CCDC157: variants seen among roughly 807,000 people sequenced by gnomAD.
The protein encoded by CCDC157 is coiled-coil domain-containing protein 157.
CCDC157 carries 60 observed loss-of-function variants against 70.9 expected under a neutral mutation model. The ratio of observed to expected loss-of-function variants is 0.85; its 90% CI spans 0.69 to 1.05. The LOEUF (loss-of-function observed/expected upper bound fraction) is 1.05. Ranked by LOEUF, CCDC157 falls within the 50% of genes least tolerant of loss-of-function variation. The pLI, the probability that CCDC157 is intolerant of heterozygous loss-of-function variation, is 0.00. For missense variants in CCDC157, 943 were observed against 984.2 expected, an observed-to-expected ratio of 0.96 and a Z score of 0.56; for synonymous variants, 373 against 422.4, an observed-to-expected ratio of 0.88 and a Z score of 1.43.
intron 1 of CCDC157, among the ~76,000 whole-genome samples, chr22:30,361,320 G>T (rs1463960820): frequency 6.6e-5 from 10 of 151,966 alleles, no homozygotes; most frequent in Admixed American, 5.2e-4. Flanking sequence ...ATTTAGTAAG[G>T]CCTGTTTGCT....
chr22:30,356,987 G>A, upstream of CCDC157: 1 of 456,972 alleles, frequency 2.2e-6, no homozygotes, highest in Non-Finnish European at 3.6e-6. Context: ...CTCCCCGCGG[G>A]CACCGCGGCG....
chr22:30,364,797 A>G (rs1569183817), intron 2 of CCDC157, among the ~76,000 whole-genome samples: 1 of 151,250 alleles, frequency 6.6e-6, no homozygotes, highest in African/African-American at 2.4e-5. Context: ...CCTGAGCAAC[A>G]GAGCTAGACA....
In CCDC157 at chr22:30,361,960, G is replaced by C. The variant is rs1001222109; in HGVS notation, c.-165-1G>C. The C allele has an allele frequency of 1.3e-5, 2 of 152,356 alleles. No individual in the cohort carries two copies. The highest frequency in any genetic ancestry group is 2.9e-5 in the Non-Finnish European group (2 of 68,182). 9.4% of individuals were successfully genotyped at this position (152,356 alleles called of 1,614,324 possible). ...TCACTGTCACTGTCATCCCCTCCCA[G>C]GGTCTGAAGAGCTACTCAGAGCCAA... On this transcript the variant is annotated splice_acceptor_variant, in intron 1 of 11. Transcript: ENST00000338306. LOFTEE classifies it low-confidence loss of function (5UTR_SPLICE).
chr22:30,369,511 G>T lies in CCDC157; in HGVS notation c.328G>T (p.Ala110Ser), dbSNP rs1459575510. ...SEQMMPPAQAAGPCMSVGLTV... is the reference protein window; with the variant it reads ...SEQMMPPAQASGPCMSVGLTV... ...GCAGATGATGCCCCCTGCACAGGCT[G>T]CGGGGCCCTGCATGTCCGTGGGGCT... Residue 110 changes from alanine to serine, a missense_variant, in exon 4 of 12, where the codon GCG (alanine) becomes TCG (serine). Coordinates refer to ENST00000338306, the MANE Select transcript of CCDC157 (RefSeq NM_001017437.5). 6.2e-7 allele frequency: 1 copy of T among 1,608,026 alleles called. No homozygotes were observed. The highest frequency in any genetic ancestry group is 1.1e-5 in the South Asian group (1 of 90,510).
At chr22:30,364,476 T>C (rs915426195) in intron 2 of CCDC157, among the ~76,000 whole-genome samples, 1 of 152,202 alleles carries the variant, frequency 6.6e-6, no homozygotes, top group East Asian at 1.9e-4. Flanking sequence ...ACTATGGACA[T>C]CTATTATGCA....
At chr22:30,364,625 A>G (rs942871311) in intron 2 of CCDC157, among the ~76,000 whole-genome samples, 1 of 152,042 alleles carries the variant, frequency 6.6e-6, no homozygotes, top group South Asian at 2.1e-4. Context: ...CAACATGGAG[A>G]AACTCTATCT....
intron 3 of CCDC157, 180 bp downstream of exon 3, chr22:30,366,428 T>C (rs1390948598): frequency 1.4e-6 from 1 of 715,780 alleles, no homozygotes; most frequent in East Asian, 2.7e-5. Context: ...TTATCATGTG[T>C]CTTGTGTTGT....
In CCDC157 at chr22:30,357,132, G is replaced by C. The variant is rs930113933; in HGVS notation, c.-166G>C. 2.4e-5 allele frequency: 6 copies of C among 254,052 alleles called. No individual in the cohort carries two copies. The highest frequency in any genetic ancestry group is 1.1e-4 in the Admixed American group (2 of 18,080). The allele number at this position is 254,052 out of a possible 1,614,324, so 15.7% of individuals were successfully genotyped here. Reference sequence around the variant, plus strand: ...GGCTGAAGCCGCGACGCCGAAGACAGGTGAGATGTTGTACGTCACCCGCCG... The same window carrying C: ...GGCTGAAGCCGCGACGCCGAAGACACGTGAGATGTTGTACGTCACCCGCCG... On this transcript the variant is annotated splice_region_variant and 5_prime_UTR_variant, in exon 1 of 12. Transcript: ENST00000338306.
chr22:30,374,068 G>T lies in CCDC157; in HGVS notation c.1649G>T (p.Arg550Met), dbSNP rs926464451. 1 of 1,593,700 alleles carries T rather than the reference G, an allele frequency of 6.3e-7. No individual in the cohort carries two copies. Among genetic ancestry groups the T allele is most frequent in the South Asian group, 1.1e-5 (1 of 87,868 alleles). The change falls in exon 9 of 12, where the codon AGG becomes ATG. Residue 550 changes from arginine (R) to methionine (M), a missense_variant. Coordinates refer to ENST00000338306, the MANE Select transcript of CCDC157 (RefSeq NM_001017437.5). Reference protein sequence around the residue: ...RLLVAFPDLHRPTETQIHGGR... With the variant: ...RLLVAFPDLHMPTETQIHGGR... ...CTGGTGGCCTTCCCAGACCTGCACA[G>T]GCCCACCGAGACCCAGATCCATGGT... is the stretch of plus-strand genomic sequence containing the variant.
At chr22:30,373,890 C>G (rs1432605921) in intron 8 of CCDC157, 33 bp from the exon 9 acceptor site, 1 of 1,587,652 alleles carries the variant, frequency 6.3e-7, no homozygotes, top group Non-Finnish European at 8.6e-7. Context: ...GTAGCTCACT[C>G]AGGAGCCAGG....
intron 7 of CCDC157, 58 bp downstream of exon 7, chr22:30,372,344 G>A: frequency 6.9e-7 from 1 of 1,453,902 alleles, no homozygotes. Context: ...AGGGAAAGAG[G>A]GCTCCACTGT....
rs1341341710 is a variant in CCDC157 at position 30,370,565 on chromosome 22, C to T, written c.660C>T (p.Pro220=). ...AGACCATTGAGACGGCCCTGGTGCC[C>T]TGTGACGCATGCGCCAGCGTCCAGG... is the stretch of plus-strand genomic sequence containing the variant. ...HSQTIETALV[P]CDACASVQGS... Residue 220 remains proline, a synonymous_variant, in exon 5 of 12, where the codon CCC becomes CCT. Transcript: ENST00000338306. The T allele has an allele frequency of 6.2e-7, 1 of 1,614,028 alleles. No individual in the cohort carries two copies. Among genetic ancestry groups the T allele is most frequent in the Non-Finnish European group, 8.5e-7 (1 of 1,180,020 alleles).
At chr22:30,371,518 GCTC>G in intron 5 of CCDC157, 129 bp from the exon 6 acceptor site, 1 of 727,814 alleles carries the variant, frequency 1.4e-6, no homozygotes, top group Non-Finnish European at 2.4e-6. Context: ...CCTCCCTAGA[GCTC>G]CTCCCATGGC....
chr22:30,374,706 G>A, intron 9 of CCDC157: 1 of 456,750 alleles, frequency 2.2e-6, no homozygotes, highest in Non-Finnish European at 4.4e-6. Context: ...TGTGAGGCAG[G>A]TCATAGCCCC....
intron 9 of CCDC157, chr22:30,374,768 C>A (rs536391322): frequency 4.4e-6 from 2 of 455,634 alleles, no homozygotes; most frequent in Non-Finnish European, 8.8e-6. Flanking sequence ...GCAATTCTCC[C>A]GGGCTCCTGG....
intron 1 of CCDC157, among the ~76,000 whole-genome samples, chr22:30,361,222 T>C (rs1445754303): frequency 7.8e-6 from 1 of 128,358 alleles, no homozygotes; most frequent in Admixed American, 9.8e-5. Context: ...TACTCCAGCC[T>C]GGGTGACAGA....
chr22:30,374,949 T>TAAG (rs1441164324), intron 9 of CCDC157: 2 of 313,616 alleles, frequency 6.4e-6, no homozygotes, highest in South Asian at 5.0e-5. Flanking sequence ...GCTTATTTGC[T>TAAG]AAGTCTTTTT....
At chr22:30,363,077 C>T (rs1331786089) in intron 2 of CCDC157, among the ~76,000 whole-genome samples, 1 of 152,202 alleles carries the variant, frequency 6.6e-6, no homozygotes, top group East Asian at 1.9e-4. Flanking sequence ...AGCTGGAACT[C>T]AGCATCCGCA....
intron 9 of CCDC157, 171 bp from the exon 10 acceptor site, chr22:30,375,308 A>T (rs888057392): frequency 3.2e-6 from 2 of 626,016 alleles, no homozygotes; most frequent in African/African-American, 3.7e-5. Context: ...AGATTTTATA[A>T]TACTATGGTC....
Sources: gnomAD v4.1 joint callset for allele counts (sites outside exome capture counted in the v4.1 genomes callset) on GRCh38, gnomAD v4.1.1 for gene constraint, MANE v1.5 for transcripts, NCBI Gene and HGNC (gene_info 2026-07-23, HGNC 2026-07-21) for gene names.